SETD5: variants seen among roughly 807,000 people sequenced by gnomAD.
SETD5 encodes histone-lysine N-methyltransferase SETD5.
Under a neutral mutation model 153.3 loss-of-function variants are expected in SETD5, and 44 were observed. That is an observed-to-expected ratio of 0.29 (90% CI 0.23 to 0.37). The LOEUF (loss-of-function observed/expected upper bound fraction) is 0.37. SETD5 is among the 10% of genes least tolerant of loss of function. The pLI is 1.00. For missense variants in SETD5, 1,544 were observed against 1,768.0 expected (o/e 0.87, Z 2.27); for synonymous variants, 716 against 645.2 (o/e 1.11, Z -1.66).
At chr3:9,469,469 A>G (rs1466737802) in intron 18 of SETD5, among the ~76,000 whole-genome samples, 1 of 152,254 alleles carries the variant, frequency 6.6e-6, no homozygotes, top group Non-Finnish European at 1.5e-5. Flanking sequence ...ATTCAGTGAC[A>G]GTCTACTAAG....
intron 1 of SETD5, among the ~76,000 whole-genome samples, chr3:9,410,875 CTCT>C (rs2036458940): frequency 7.3e-6 from 1 of 137,120 alleles, no homozygotes; most frequent in Non-Finnish European, 1.5e-5. Flanking sequence ...AGTAAAAATT[CTCT>C]TTTTTTTTTT....
intron 18 of SETD5, chr3:9,468,396 T>C (rs1013254197): frequency 6.2e-6 from 4 of 640,232 alleles, no homozygotes; most frequent in Admixed American, 5.7e-5. Context: ...TGCATTCTTA[T>C]TCAACTTCCC....
chr3:9,440,918 A>G (rs879283716), intron 8 of SETD5, among the ~76,000 whole-genome samples: 15 of 152,178 alleles, frequency 9.9e-5, no homozygotes, highest in Admixed American at 8.5e-4. Flanking sequence ...AAATAGATGA[A>G]TTGAGGCTGT....
chr3:9,417,386 G>A (rs995450110), intron 1 of SETD5, among the ~76,000 whole-genome samples: 1 of 152,166 alleles, frequency 6.6e-6, no homozygotes, highest in Non-Finnish European at 1.5e-5. Context: ...GGACCATGTG[G>A]GTGTCATAAT....
intron 3 of SETD5, chr3:9,433,241 T>C: frequency 1.9e-6 from 1 of 521,698 alleles, no homozygotes; most frequent in Non-Finnish European, 3.0e-6. Context: ...AATTTTGTCC[T>C]TAATATGCTT....
rs747769224 is a variant in SETD5 at position 9,447,313 on chromosome 3, A to C, written c.1782+6A>C. 8.7e-6 allele frequency: 14 copies of C among 1,606,868 alleles called. No individual in the cohort carries two copies. Among genetic ancestry groups the C allele is most frequent in the African/African-American group, 1.3e-5 (1 of 74,392 alleles). On this transcript the variant is annotated splice_donor_region_variant and intron_variant, in intron 14 of 22. Coordinates refer to ENST00000402198, the MANE Select transcript of SETD5 (RefSeq NM_001080517.3). Reference sequence around the variant, plus strand: ...GGAGGTCTTCCCAAGCAGGGGTAAGAGTTGAAAAGACTTCAGCACTTAGAC... The same window carrying C: ...GGAGGTCTTCCCAAGCAGGGGTAAGCGTTGAAAAGACTTCAGCACTTAGAC...
chr3:9,417,573 C>T (rs1167638245), intron 1 of SETD5, among the ~76,000 whole-genome samples: 1 of 151,710 alleles, frequency 6.6e-6, no homozygotes, highest in Non-Finnish European at 1.5e-5. Context: ...GCGAGCTCCG[C>T]CTCCCGGGTT....
At chr3:9,417,737 G>A (rs1433118531) in intron 1 of SETD5, among the ~76,000 whole-genome samples, 2 of 151,276 alleles carry the variant, frequency 1.3e-5, no homozygotes, top group East Asian at 2.0e-4. Flanking sequence ...CGCCCGCCTC[G>A]GCCTCCCAAA....
intron 17 of SETD5, among the ~76,000 whole-genome samples, chr3:9,456,843 G>C (rs1011622870): frequency 2.0e-5 from 3 of 151,924 alleles, no homozygotes; most frequent in African/African-American, 7.3e-5. Context: ...GGGCATGGTG[G>C]CATGCACCTG....
intron 7 of SETD5, among the ~76,000 whole-genome samples, chr3:9,438,785 C>G (rs545706260): frequency 6.6e-6 from 1 of 152,276 alleles, no homozygotes; most frequent in South Asian, 2.1e-4. Context: ...AGGGACTGTT[C>G]TGTGCTTTCA....
Position 9,436,869 on chromosome 3 carries a change from G to C in SETD5, c.567+963G>C, listed in dbSNP as rs985613773. 1.9e-6 allele frequency: 3 copies of C among 1,550,142 alleles called. No individual in the cohort carries two copies. The Admixed American group carries it at 5.9e-5, about 30-fold the overall frequency. ...GGATAGGCATTTCGAGAGGGATCCC[G>C]GAAGTCCTTGCGGATGAAGGTAAGG... On this transcript the variant is annotated intron_variant, in intron 7 of 22. Coordinates refer to ENST00000402198, the MANE Select transcript of SETD5 (RefSeq NM_001080517.3).
At chr3:9,459,157 G>A (rs2043616830) in intron 17 of SETD5, among the ~76,000 whole-genome samples, 1 of 152,120 alleles carries the variant, frequency 6.6e-6, no homozygotes, top group Admixed American at 6.5e-5. Flanking sequence ...AACATGGCGG[G>A]TGAGACGAAA....
At chr3:9,473,205 G>GT (rs1559493026) in intron 19 of SETD5, 31 bp from the exon 20 acceptor site, 2 of 1,599,472 alleles carry the variant, frequency 1.3e-6, no homozygotes, top group East Asian at 2.2e-5. Context: ...ATAGAGTACC[G>GT]TTTTTTGTTT....
intron 1 of SETD5, among the ~76,000 whole-genome samples, chr3:9,402,944 C>T (rs568946248): frequency 3.3e-5 from 5 of 152,124 alleles, no homozygotes; most frequent in Non-Finnish European, 7.3e-5. Context: ...TTGCCAGCTG[C>T]TTATGTCAGA....
At chr3:9,400,717 T>C (rs1433865953) in intron 1 of SETD5, among the ~76,000 whole-genome samples, 1 of 152,252 alleles carries the variant, frequency 6.6e-6, no homozygotes, top group African/African-American at 2.4e-5. Flanking sequence ...TATATGTCTT[T>C]GGCCATAATC....
intron 18 of SETD5, among the ~76,000 whole-genome samples, chr3:9,466,788 GCTGAGGCAGGAGGATTGC>G (rs1182022043): frequency 6.6e-6 from 1 of 152,172 alleles, no homozygotes; most frequent in Non-Finnish European, 1.5e-5. Context: ...GCTTTGGAAG[GCTGAGGCAGGAGGATTGC>G]TTGAGGCCAG....
At chr3:9,422,784 A>C (rs1254353392) in intron 1 of SETD5, among the ~76,000 whole-genome samples, 1 of 152,192 alleles carries the variant, frequency 6.6e-6, no homozygotes, top group Non-Finnish European at 1.5e-5. Flanking sequence ...AGTTGATCAG[A>C]GATTGCTCCT....
chr3:9,474,339 A>T, intron 20 of SETD5, 110 bp from the exon 21 acceptor site: 1 of 1,276,774 alleles, frequency 7.8e-7, no homozygotes, highest in Non-Finnish European at 1.1e-6. Flanking sequence ...GGTTCTGAAG[A>T]AAGTAATGTT....
In SETD5 at chr3:9,470,869, T is replaced by C. The variant is rs747468180; in HGVS notation, c.3135T>C (p.Gly1045=). ...KDLSRGSLSP[G]GERACEGVPS... The stretch of plus-strand genomic sequence containing the variant: ...TCTCTCGTGGATCCTTGTCACCTGG[T>C]GGTGAAAGGGCCTGTGAAGGAGTCC... Residue 1045 remains glycine, a synonymous_variant, in exon 19 of 23, where the codon GGT becomes GGC. Coordinates refer to ENST00000402198, the MANE Select transcript of SETD5 (RefSeq NM_001080517.3). 1.9e-6 allele frequency: 3 copies of C among 1,610,746 alleles called. No homozygotes were observed. In the Admixed American group the frequency reaches 5.0e-5, roughly 27 times the overall value.
Sources: gnomAD v4.1 joint callset for allele counts (sites outside exome capture counted in the v4.1 genomes callset) on GRCh38, gnomAD v4.1.1 for gene constraint, MANE v1.5 for transcripts, NCBI Gene and HGNC (gene_info 2026-07-23, HGNC 2026-07-21) for gene names.